Variants in BLTP1 observed in about 807,000 individuals in gnomAD.
BLTP1 encodes bridge-like lipid transfer protein family member 1.
the BLTP1 span, chr4:122,210,693 A>T: frequency 1.4e-4 from 36 of 256,860 alleles, no homozygotes; most frequent in Middle Eastern, 2.0e-3. Flanking sequence ...TATTTCAATG[A>T]TTTATTCTTT....
chr4:122,236,975 A>C, the BLTP1 span: 1 of 985,382 alleles, frequency 1.0e-6, no homozygotes, highest in Non-Finnish European at 1.2e-6. Flanking sequence ...TATGGGTAGA[A>C]TTAAGGATCT....
At chr4:122,331,011 A>C in the BLTP1 span, 1 of 967,228 alleles carries the variant, frequency 1.0e-6, no homozygotes, top group Non-Finnish European at 1.2e-6. Flanking sequence ...TCTGGAAAGT[A>C]ACATTTAAAT....
chr4:122,344,997 TC>T, the BLTP1 span: 1 of 984,834 alleles, frequency 1.0e-6, no homozygotes, highest in Non-Finnish European at 1.2e-6. Context: ...TATGGGCAAG[TC>T]ATTTCCTTTA....
the BLTP1 span, chr4:122,318,380 T>C: frequency 3.6e-6 from 3 of 829,166 alleles, no homozygotes; most frequent in Non-Finnish European, 5.8e-6. Flanking sequence ...TAATCACCCA[T>C]TAAATCCTAA....
the BLTP1 span, chr4:122,328,772 A>T: frequency 1.0e-6 from 1 of 982,876 alleles, no homozygotes; most frequent in Non-Finnish European, 1.2e-6. Flanking sequence ...ACTTAAGCAA[A>T]TTCTTAGAAG....
At chr4:122,337,808 G>C in the BLTP1 span, among the ~76,000 whole-genome samples, 1 of 148,982 alleles carries the variant, frequency 6.7e-6, no homozygotes, top group African/African-American at 2.5e-5. Flanking sequence ...CTACCAATAG[G>C]CCTTTGGGAG....
At chr4:122,165,122 C>T in the BLTP1 span, among the ~76,000 whole-genome samples, 121 of 151,914 alleles carry the variant, frequency 8.0e-4, no homozygotes, top group African/African-American at 2.8e-3. Flanking sequence ...GCATAACGTG[C>T]AGGTTAGTTA....
the BLTP1 span, among the ~76,000 whole-genome samples, chr4:122,279,501 ATGT>A: frequency 6.6e-4 from 101 of 152,266 alleles, no homozygotes; most frequent in African/African-American, 2.4e-3. Flanking sequence ...AGCAGAATTC[ATGT>A]TGTTTTGATG....
the BLTP1 span, among the ~76,000 whole-genome samples, chr4:122,303,016 G>A: frequency 3.3e-5 from 5 of 152,194 alleles, no homozygotes; most frequent in African/African-American, 9.7e-5. Context: ...AGGTGGTTAC[G>A]CTAAACGACA....
chr4:122,162,734 AC>A, the BLTP1 span: 9,993 of 737,340 alleles, frequency 0.014, 258 homozygotes, highest in African/African-American at 0.12. Flanking sequence ...AACAACAACA[AC>A]AAAAAAAAAA....
the BLTP1 span, among the ~76,000 whole-genome samples, chr4:122,348,124 A>G: frequency 6.6e-6 from 1 of 152,158 alleles, no homozygotes; most frequent in African/African-American, 2.4e-5. Context: ...TAATGAGCAA[A>G]TGCAGGATTC....
the BLTP1 span, chr4:122,187,831 G>A: frequency 1.3e-6 from 2 of 1,487,360 alleles, no homozygotes; most frequent in Non-Finnish European, 1.8e-6. Flanking sequence ...TTTAGCTAAA[G>A]AAAGAAATAT....
At chr4:122,232,454 A>G in the BLTP1 span, among the ~76,000 whole-genome samples, 1 of 152,000 alleles carries the variant, frequency 6.6e-6, no homozygotes, top group African/African-American at 2.4e-5. Context: ...AAATCTAGCA[A>G]CTCTGTCCCT....
chr4:122,246,850 C>G, the BLTP1 span: 1 of 1,594,068 alleles, frequency 6.3e-7, no homozygotes, highest in Non-Finnish European at 8.6e-7. Flanking sequence ...GATTATCTTG[C>G]TGGATGTAAA....
chr4:122,318,336 T>C, the BLTP1 span: 2 of 1,272,984 alleles, frequency 1.6e-6, no homozygotes, highest in Middle Eastern at 3.7e-4. Context: ...TCATATCTAC[T>C]GCGTACCAGG....
chr4:122,331,854 G>T, the BLTP1 span: 1 of 798,938 alleles, frequency 1.3e-6, no homozygotes, highest in Non-Finnish European at 1.5e-6. Context: ...ACATATTTCA[G>T]TTTTAAAGAA....
At chr4:122,216,321 C>A in the BLTP1 span, among the ~76,000 whole-genome samples, 2 of 151,980 alleles carry the variant, frequency 1.3e-5, no homozygotes, top group African/African-American at 4.8e-5. Context: ...GGTAGTTCTG[C>A]ATTTAGTGGG....
chr4:122,277,920 G>A, the BLTP1 span, among the ~76,000 whole-genome samples: 2 of 152,092 alleles, frequency 1.3e-5, no homozygotes, highest in Admixed American at 1.3e-4. Flanking sequence ...GGAATGTTGT[G>A]TGTCTGTGTA....
chr4:122,258,060 C>T, the BLTP1 span, among the ~76,000 whole-genome samples: 1 of 152,184 alleles, frequency 6.6e-6, no homozygotes, highest in Non-Finnish European at 1.5e-5. Context: ...GGCCTGCGCT[C>T]AGCCTACAAT....
Sources: allele counts gnomAD v4.1 joint callset (sites outside exome capture counted in the v4.1 genomes callset), GRCh38; gene constraint gnomAD v4.1.1; transcripts MANE v1.5; gene names NCBI Gene and HGNC (gene_info 2026-07-23, HGNC 2026-07-21).